Variants in SYNE2 observed in about 807,000 individuals in gnomAD.
SYNE2 encodes nesprin-2.
SYNE2 carries 431 observed loss-of-function variants against 856.3 expected under a neutral mutation model. That is an observed-to-expected ratio of 0.50 (90% CI 0.47 to 0.55). The LOEUF (loss-of-function observed/expected upper bound fraction) is 0.55, where lower values mean the gene tolerates loss of function less well. Ranked by LOEUF, SYNE2 falls within the 20% of genes least tolerant of loss-of-function variation. The probability of loss-of-function intolerance (pLI) is 0.00; values close to 1 mark genes in which losing one functional copy is unlikely to be tolerated. For synonymous variants in SYNE2, 2,923 were observed against 2,872.3 expected (o/e 1.02, Z -0.56); for missense variants, 8,129 against 8,023.2 (o/e 1.01, Z -0.50).
chr14:64,016,387 A>G, intron 32 of SYNE2, 86 bp from the exon 33 acceptor site: 1 of 891,850 alleles, frequency 1.1e-6, no homozygotes. Context: ...ATTGTTTTTA[A>G]GCTCAATATC....
Position 64,122,698 on chromosome 14 carries a change from AAGAC to A in SYNE2, c.13422+275_13422+278del, listed in dbSNP as rs375856661. Among the ~76,000 whole-genome samples the A allele has an allele frequency of 1.7e-4, 26 of 152,318 alleles. 1 individual carries two copies. Among genetic ancestry groups the A allele is most frequent in the Middle Eastern group, 3.4e-3 (1 of 294 alleles). Reference sequence around the variant, plus strand: ...TGTATTCCCCATTAGATGGGGAAGAAAGACAGATCATGTCTGCCTGGTTTGCATT... The same window carrying A: ...TGTATTCCCCATTAGATGGGGAAGAAAGATCATGTCTGCCTGGTTTGCATT... On this transcript the variant is annotated intron_variant, in intron 70 of 115. Coordinates refer to ENST00000555002, the MANE Select transcript of SYNE2 (RefSeq NM_182914.3).
chr14:64,055,800 G>A (rs2097263808), intron 48 of SYNE2, 144 bp from the exon 49 acceptor site: 1 of 578,860 alleles, frequency 1.7e-6, no homozygotes, highest in Non-Finnish European at 3.0e-6. Context: ...TGCACATTGT[G>A]CACATGTACC....
intron 1 of SYNE2, among the ~76,000 whole-genome samples, chr14:63,840,057 T>G (rs1889996147): frequency 6.6e-6 from 1 of 152,192 alleles, no homozygotes; most frequent in South Asian, 2.1e-4. Context: ...TCACCCGAGT[T>G]CAGGAGTTCA....
Position 64,001,821 on chromosome 14 carries a change from T to C in SYNE2, c.3639-113T>C, listed in dbSNP as rs1046489230. On this transcript the variant is annotated intron_variant, in intron 28 of 115. Transcript: ENST00000555002. The stretch of plus-strand genomic sequence containing the variant: ...ATGTGTATGTATATATCATTGTATG[T>C]CTGTTTATTGGATAATTATTTTCTG... The C allele has an allele frequency of 1.4e-4, 164 of 1,162,486 alleles. 1 individual carries two copies. The highest frequency in any genetic ancestry group is 1.7e-4 in the Non-Finnish European group (135 of 773,194). 72.0% of individuals were successfully genotyped at this position (1,162,486 alleles called of 1,614,324 possible). A position where few individuals can be genotyped will look rare whatever the true frequency, so the allele number is the denominator to read the frequency against.
chr14:64,055,471 C>T (rs896061526), intron 48 of SYNE2, among the ~76,000 whole-genome samples: 1 of 150,880 alleles, frequency 6.6e-6, no homozygotes, highest in Non-Finnish European at 1.5e-5. Context: ...CGGGTTCACA[C>T]GATTCTTCTG....
chr14:64,201,552 G>A (rs911182175), intron 99 of SYNE2, among the ~76,000 whole-genome samples: 1 of 152,178 alleles, frequency 6.6e-6, no homozygotes, highest in East Asian at 1.9e-4. Flanking sequence ...AGATCAAGGG[G>A]CTGAACCGGT....
chr14:64,165,530 T>A (rs1423237234), intron 90 of SYNE2, 120 bp downstream of exon 90: 5 of 1,096,914 alleles, frequency 4.6e-6, no homozygotes, highest in Non-Finnish European at 6.8e-6. Flanking sequence ...TTTTTTTTTT[T>A]GAGACGGACT....
intron 76 of SYNE2, among the ~76,000 whole-genome samples, chr14:64,130,562 A>G (rs1295817187): frequency 6.6e-6 from 1 of 152,240 alleles, no homozygotes; most frequent in Non-Finnish European, 1.5e-5. Context: ...AGAGCATTTA[A>G]TAGCAGAAGG....
At chr14:64,165,541 C>T (rs1222784404) in intron 90 of SYNE2, 131 bp downstream of exon 90, 1 of 984,650 alleles carries the variant, frequency 1.0e-6, no homozygotes, top group East Asian at 2.6e-5. Context: ...GAGACGGACT[C>T]TCGCTCTGTC....
At chr14:64,145,673 T>A (rs1213588927) in intron 83 of SYNE2, among the ~76,000 whole-genome samples, 1 of 152,190 alleles carries the variant, frequency 6.6e-6, no homozygotes, top group Non-Finnish European at 1.5e-5. Flanking sequence ...TGATAAATTA[T>A]TTTTTATTGA....
chr14:64,113,884 G>A (rs2097832919), intron 66 of SYNE2, among the ~76,000 whole-genome samples: 1 of 152,044 alleles, frequency 6.6e-6, no homozygotes, highest in Non-Finnish European at 1.5e-5. Flanking sequence ...TTTTTGTCAG[G>A]ATTAAATAAG....
rs373400729 is a variant in SYNE2, at chr14:64,146,091, A to G, written c.15507A>G (p.Leu5169=). The G allele has an allele frequency of 1.5e-5, 24 of 1,589,382 alleles. No homozygotes were observed. Among genetic ancestry groups the G allele is most frequent in the African/African-American group, 2.7e-5 (2 of 73,678 alleles). Residue 5169 remains leucine, a synonymous_variant, in exon 84 of 116, where the codon CTA becomes CTG. Coordinates refer to ENST00000555002, the MANE Select transcript of SYNE2 (RefSeq NM_182914.3). The part of the protein sequence containing the change: ...NRKIQHLEQL[L]ESITESENKI... The stretch of plus-strand genomic sequence containing the variant: ...AGATACAACATTTAGAACAACTTCT[A>G]GAAAGTATCACTGAGAGTGAAAATA...
intron 34 of SYNE2, among the ~76,000 whole-genome samples, 173 bp from the exon 35 acceptor site, chr14:64,019,819 C>G (rs918451618): frequency 1.3e-5 from 2 of 152,180 alleles, no homozygotes; most frequent in Admixed American, 1.3e-4. Context: ...TAGCATTTGC[C>G]TGACCCCTGA....
In SYNE2 at chr14:64,167,538, T is replaced by C; in HGVS notation, c.16804T>C (p.Cys5602Arg). ...IGLNEKFLYC[C>R]EKWIQLLEKI... The stretch of plus-strand genomic sequence containing the variant: ...ATTGAATGAAAAGTTTCTTTATTGC[T>C]GTGAAAAGTGGATCCAACTTTTGGA... The change falls in exon 92 of 116, where the codon TGT (cysteine) becomes CGT (arginine). Residue 5602 changes from cysteine (C) to arginine (R), a missense_variant. By Grantham distance (180) the Cys-to-Arg change is radical (BLOSUM62 -3). Transcript: ENST00000555002. 1 of 1,614,228 alleles carries C rather than the reference T, an allele frequency of 6.2e-7. No individual in the cohort carries two copies. The highest frequency in any genetic ancestry group is 8.5e-7 in the Non-Finnish European group (1 of 1,180,040).
chr14:63,974,603 G>A (rs2096514617), intron 11 of SYNE2, among the ~76,000 whole-genome samples: 1 of 151,376 alleles, frequency 6.6e-6, no homozygotes, highest in Non-Finnish European at 1.5e-5. Flanking sequence ...CTGTTGCCCA[G>A]GCTGGAGTGC....
intron 1 of SYNE2, among the ~76,000 whole-genome samples, chr14:63,769,274 A>T (rs1886802842): frequency 6.6e-6 from 1 of 152,218 alleles, no homozygotes; most frequent in African/African-American, 2.4e-5. Context: ...CAGGAAGGCC[A>T]TTAAATATTA....
chr14:63,861,263 G>C (rs1350564386), intron 1 of SYNE2, among the ~76,000 whole-genome samples: 1 of 150,560 alleles, frequency 6.6e-6, no homozygotes, highest in Non-Finnish European at 1.5e-5. Flanking sequence ...TCCTACCTCA[G>C]ACTCCTGAGT....
chr14:63,814,771 TATATATCC>T (rs1321253476), intron 1 of SYNE2, among the ~76,000 whole-genome samples: 3 of 22,530 alleles, frequency 1.3e-4, no homozygotes, highest in Non-Finnish European at 3.5e-4. Flanking sequence ...TATATCCATA[TATATATCC>T]ATATATATCC....
At chr14:64,099,335 A>G (rs1452785385) in intron 63 of SYNE2, 2 of 186,446 alleles carry the variant, frequency 1.1e-5, no homozygotes, top group African/African-American at 4.8e-5. Context: ...ATAAGTTGCA[A>G]TGGGTCTTAA....
Sources: gnomAD v4.1 joint callset for allele counts (sites outside exome capture counted in the v4.1 genomes callset) on GRCh38, gnomAD v4.1.1 for gene constraint, MANE v1.5 for transcripts, NCBI Gene and HGNC (gene_info 2026-07-23, HGNC 2026-07-21) for gene names.